MAN2A1: variants seen among roughly 807,000 people sequenced by gnomAD.
The protein encoded by MAN2A1 is alpha-mannosidase 2.
Under a neutral mutation model 142.6 loss-of-function variants are expected in MAN2A1, and 76 were observed. The observed-to-expected ratio is 0.53, with a 90% CI of 0.44 to 0.65. MAN2A1 has a LOEUF of 0.65. Ranked by LOEUF, MAN2A1 falls within the 30% of genes least tolerant of loss-of-function variation. The probability of loss-of-function intolerance (pLI) is 0.00; values close to 1 mark genes in which losing one functional copy is unlikely to be tolerated. For synonymous variants in MAN2A1, 559 were observed against 473.2 expected, an observed-to-expected ratio of 1.18 and a Z score of -2.35; for missense variants, 1,311 against 1,365.1, an observed-to-expected ratio of 0.96 and a Z score of 0.62.
intron 21 of MAN2A1, 50 bp downstream of exon 21, chr5:109,865,196 T>C (rs779682314): frequency 2.4e-6 from 3 of 1,273,650 alleles, no homozygotes; most frequent in South Asian, 2.4e-5. Flanking sequence ...TTTGAAATCC[T>C]CTTTCTGCAA....
intron 12 of MAN2A1, 117 bp downstream of exon 12, chr5:109,789,644 A>C (rs1753687502): frequency 3.0e-6 from 2 of 662,714 alleles, no homozygotes; most frequent in African/African-American, 1.9e-5. Context: ...TAATTAAAAA[A>C]CTCCTAAAAA....
chr5:109,821,024 C>G (rs1028481823), intron 15 of MAN2A1, among the ~76,000 whole-genome samples: 3 of 152,136 alleles, frequency 2.0e-5, no homozygotes, highest in African/African-American at 4.8e-5. Flanking sequence ...AAAAACAAAT[C>G]TTTCTCACTC....
chr5:109,830,862 C>A (rs963736260), intron 16 of MAN2A1, among the ~76,000 whole-genome samples: 43 of 152,338 alleles, frequency 2.8e-4, no homozygotes, highest in Non-Finnish European at 4.7e-4. Flanking sequence ...TTTTAAGGGA[C>A]TGCAAGCACA....
rs1052818732 is a variant in MAN2A1 at position 109,866,470 on chromosome 5, A to G, written c.3283-376A>G. On this transcript the variant is annotated intron_variant, in intron 21 of 21. Transcript: ENST00000261483. ...ACTAAAAGAGAATGAGGATGTTTTT[A>G]AAGCTTCTTGGCCATTGGAGGTCCT... Among the ~76,000 whole-genome samples, 8 of 152,264 alleles carry G rather than the reference A, an allele frequency of 5.3e-5. No homozygotes were observed. The East Asian group carries it at 5.8e-4, about 11-fold the overall frequency.
intron 21 of MAN2A1, 60 bp from the exon 22 acceptor site, chr5:109,866,785 AG>A: frequency 9.2e-7 from 1 of 1,084,538 alleles, no homozygotes; most frequent in Non-Finnish European, 1.4e-6. Context: ...CAGAATATGT[AG>A]TTGTGCTGCT....
intron 1 of MAN2A1, among the ~76,000 whole-genome samples, chr5:109,705,593 AG>A (rs1751108004): frequency 6.6e-6 from 1 of 152,208 alleles, no homozygotes; most frequent in Admixed American, 6.5e-5. Flanking sequence ...TTATTTTTGT[AG>A]GGCCAACTAT....
chr5:109,753,467 T>G (rs1377246366), intron 4 of MAN2A1, among the ~76,000 whole-genome samples: 1 of 152,230 alleles, frequency 6.6e-6, no homozygotes, highest in South Asian at 2.1e-4. Context: ...GATATTGTGT[T>G]TCTTTAGACA....
chr5:109,733,171 T>C (rs1751970002), intron 4 of MAN2A1, among the ~76,000 whole-genome samples: 3 of 152,284 alleles, frequency 2.0e-5, no homozygotes, highest in Non-Finnish European at 1.5e-5. Flanking sequence ...GTTTGTCTGT[T>C]ATTGGTGTAT....
At chr5:109,729,711 C>A (rs1371898846) in intron 4 of MAN2A1, among the ~76,000 whole-genome samples, 198 bp downstream of exon 4, 1 of 151,990 alleles carries the variant, frequency 6.6e-6, no homozygotes, top group Non-Finnish European at 1.5e-5. Context: ...TCCTGTGTTC[C>A]ACTGGAAGCA....
Position 109,819,708 on chromosome 5 carries a change from G to A in MAN2A1, c.2149G>A (p.Val717Met), listed in dbSNP as rs143981669. The change falls in exon 14 of 22, where the codon GTG (valine) becomes ATG (methionine). Residue 717 changes from valine to methionine, a missense_variant. Physicochemically the swap from Val to Met is conservative, Grantham distance 21. Transcript: ENST00000261483. ...RAHIPPLGLK[V>M]YKILESASSN... is the part of the protein sequence containing the mutation. ...ACATATACCGCCATTGGGACTGAAA[G>A]TGTATAAGATTTTGGAATCAGCAAG... 43 of 1,610,606 alleles carry A rather than the reference G, an allele frequency of 2.7e-5. No homozygotes were observed. The highest frequency in any genetic ancestry group is 3.2e-5 in the Non-Finnish European group (38 of 1,178,690).
chr5:109,720,188 T>C (rs372014675), intron 3 of MAN2A1, among the ~76,000 whole-genome samples: 61 of 152,306 alleles, frequency 4.0e-4, no homozygotes, highest in African/African-American at 1.3e-3. Flanking sequence ...AAATGAAAGA[T>C]TGGACAGCAT....
intron 4 of MAN2A1, among the ~76,000 whole-genome samples, chr5:109,754,604 T>G (rs1308480408): frequency 6.6e-6 from 1 of 152,166 alleles, no homozygotes; most frequent in Non-Finnish European, 1.5e-5. Flanking sequence ...TAAAAGTATA[T>G]TGAAATAAAT....
chr5:109,692,359 C>A (rs141427182), intron 1 of MAN2A1, among the ~76,000 whole-genome samples: 21 of 152,194 alleles, frequency 1.4e-4, no homozygotes, highest in Non-Finnish European at 2.5e-4. Context: ...TTTAAGATTG[C>A]CTTTCTCAGA....
intron 9 of MAN2A1, among the ~76,000 whole-genome samples, chr5:109,784,301 A>G (rs960935924): frequency 1.3e-5 from 2 of 152,208 alleles, no homozygotes; most frequent in Admixed American, 1.3e-4. Context: ...CTCACCGACC[A>G]TGCCTTTCTT....
intron 1 of MAN2A1, among the ~76,000 whole-genome samples, chr5:109,709,018 G>A (rs555815852): frequency 6.6e-6 from 1 of 152,146 alleles, no homozygotes; most frequent in Non-Finnish European, 1.5e-5. Context: ...AACCACCTGG[G>A]TTTCACTTTG....
At chr5:109,764,178 T>C (rs1752930003) in intron 5 of MAN2A1, among the ~76,000 whole-genome samples, 1 of 152,166 alleles carries the variant, frequency 6.6e-6, no homozygotes, top group African/African-American at 2.4e-5. Context: ...CTGATTCCTC[T>C]TAAACTATAG....
At chr5:109,812,269 G>A (rs979590986) in intron 12 of MAN2A1, among the ~76,000 whole-genome samples, 8 of 151,996 alleles carry the variant, frequency 5.3e-5, no homozygotes, top group Non-Finnish European at 1.0e-4. Context: ...GTGACATGGT[G>A]GGGATTTGAG....
At chr5:109,826,653 G>A (rs1398936584) in intron 16 of MAN2A1, among the ~76,000 whole-genome samples, 1 of 152,166 alleles carries the variant, frequency 6.6e-6, no homozygotes, top group Non-Finnish European at 1.5e-5. Context: ...GAACACTCGG[G>A]TTGTCTCAAT....
chr5:109,773,096 A>G (rs761350132), intron 7 of MAN2A1, among the ~76,000 whole-genome samples: 4 of 152,124 alleles, frequency 2.6e-5, no homozygotes, highest in Non-Finnish European at 2.9e-5. Context: ...TATGTTTTCA[A>G]ATGTGATGTT....
Sources: gnomAD v4.1 joint callset for allele counts (sites outside exome capture counted in the v4.1 genomes callset) on GRCh38, gnomAD v4.1.1 for gene constraint, MANE v1.5 for transcripts, NCBI Gene and HGNC (gene_info 2026-07-23, HGNC 2026-07-21) for gene names.